ATF7IP: variants seen among roughly 807,000 people sequenced by gnomAD.
ATF7IP encodes the protein activating transcription factor 7-interacting protein 1.
ATF7IP carries 23 observed loss-of-function variants against 106.4 expected under a neutral mutation model. The observed-to-expected ratio is 0.22, with a 90% CI of 0.16 to 0.31. ATF7IP has a LOEUF of 0.31. Ranked by LOEUF, ATF7IP falls within the 10% of genes least tolerant of loss-of-function variation. The pLI, the probability that ATF7IP is intolerant of heterozygous loss-of-function variation, is 1.00. For missense variants in ATF7IP, 1,334 were observed against 1,524.3 expected (o/e 0.88, Z 2.08); for synonymous variants, 542 against 539.0 (o/e 1.01, Z -0.08).
At chr12:14,493,866 A>G (rs1158155200) in intron 13 of ATF7IP, among the ~76,000 whole-genome samples, 4 of 152,084 alleles carry the variant, frequency 2.6e-5, no homozygotes, top group Non-Finnish European at 5.9e-5. Context: ...GAGCCTCAGT[A>G]TCTTCTTCTG....
intron 1 of ATF7IP, among the ~76,000 whole-genome samples, chr12:14,416,042 G>A (rs1941187291): frequency 6.6e-6 from 1 of 152,140 alleles, no homozygotes; most frequent in Admixed American, 6.6e-5. Context: ...TGAGTGAACA[G>A]ATTCAGTAGT....
intron 1 of ATF7IP, among the ~76,000 whole-genome samples, chr12:14,405,154 T>TAG (rs1940490690): frequency 2.6e-5 from 4 of 151,492 alleles, no homozygotes; most frequent in African/African-American, 7.2e-5. Flanking sequence ...TCATTCTTTG[T>TAG]TGTATGCCCA....
intron 1 of ATF7IP, among the ~76,000 whole-genome samples, chr12:14,384,201 T>C (rs965068372): frequency 1.3e-5 from 2 of 152,116 alleles, no homozygotes; most frequent in African/African-American, 4.8e-5. Context: ...TTTTAGTAAA[T>C]ACCTATATTT....
intron 1 of ATF7IP, among the ~76,000 whole-genome samples, chr12:14,420,841 CAG>C (rs1400000401): frequency 6.6e-6 from 1 of 152,126 alleles, no homozygotes; most frequent in Non-Finnish European, 1.5e-5. Context: ...TTCCAGGCAT[CAG>C]GGGCTGCTTT....
intron 1 of ATF7IP, chr12:14,423,690 T>C (rs1296526789): frequency 1.0e-5 from 4 of 395,462 alleles, no homozygotes; most frequent in Non-Finnish European, 1.7e-5. Flanking sequence ...CCTAATACTT[T>C]CTAGTTGATT....
intron 10 of ATF7IP, among the ~76,000 whole-genome samples, chr12:14,469,122 G>A (rs980522188): frequency 1.3e-5 from 2 of 152,126 alleles, no homozygotes; most frequent in South Asian, 4.1e-4. Flanking sequence ...TATAATCCCA[G>A]CACTTTGGGA....
rs986253736 is a variant in ATF7IP, at chr12:14,466,566, G to A, written c.2838G>A (p.Lys946=). The change falls in exon 10 of 15, where the codon AAG becomes AAA. Residue 946 remains lysine, a synonymous_variant. Coordinates refer to ENST00000261168, the MANE Select transcript of ATF7IP (RefSeq NM_018179.5). ...TNKTIDASVS[K]KAADSTSQCG... is the part of the protein sequence containing the mutation. The stretch of plus-strand genomic sequence containing the variant: ...AAACAATAGATGCTTCTGTCAGTAA[G>A]AAAGCAGCTGATAGCACATCACAGG... The A allele has an allele frequency of 1.9e-6, 3 of 1,605,122 alleles. No individual in the cohort carries two copies. In the African/African-American group the frequency reaches 4.0e-5, roughly 22 times the overall value.
In ATF7IP at chr12:14,497,793, T is replaced by C; in HGVS notation, c.3533T>C (p.Val1178Ala). 1 of 1,614,126 alleles carries C rather than the reference T, an allele frequency of 6.2e-7. No homozygotes were observed. The highest frequency in any genetic ancestry group is 8.5e-7 in the Non-Finnish European group (1 of 1,180,012). Residue 1178 changes from valine (V) to alanine (A), a missense_variant, in exon 15 of 15, where the codon GTA becomes GCA. By Grantham distance (64) the Val-to-Ala change is moderately conservative. Around this residue, in one of 10 missense-constraint regions of ATF7IP, gnomAD observed 80 missense variants for 157.0 expected, o/e 0.51. Coordinates refer to ENST00000261168, the MANE Select transcript of ATF7IP (RefSeq NM_018179.5). ...CGCGTTCAGAGTCAAAATGGCATAG[T>C]ACTGTCATGGAGTGTCCTGGAGGTG... ...LARVQSQNGI[V>A]LSWSVLEVDR...
chr12:14,420,365 C>G (rs1170321555), intron 1 of ATF7IP: 1 of 152,562 alleles, frequency 6.6e-6, no homozygotes, highest in Non-Finnish European at 1.5e-5. Flanking sequence ...TGTGGTGGCT[C>G]ACACCTGTAA....
chr12:14,459,652 T>C (rs777200182), intron 8 of ATF7IP, among the ~76,000 whole-genome samples: 25 of 152,206 alleles, frequency 1.6e-4, no homozygotes, highest in Admixed American at 3.9e-4. Context: ...TGAAAGGGTC[T>C]CAGAAAACCC....
In ATF7IP at chr12:14,499,990, G is replaced by T. The variant is rs764893522; in HGVS notation, c.*1917G>T. On this transcript the variant is annotated 3_prime_UTR_variant, in exon 15 of 15. Transcript: ENST00000261168. Reference sequence around the variant, plus strand: ...GTACTGGTGTCAGGTAGGTGTTTTGGGTGTAGATAATTTAGGACTGGAGGG... The same window carrying T: ...GTACTGGTGTCAGGTAGGTGTTTTGTGTGTAGATAATTTAGGACTGGAGGG... 1 of 152,134 alleles carries T rather than the reference G, an allele frequency of 6.6e-6. No homozygotes were observed. Among genetic ancestry groups the T allele is most frequent in the Non-Finnish European group, 1.5e-5 (1 of 68,020 alleles). The allele number at this position is 152,134 out of a possible 1,614,324, so 9.4% of individuals were successfully genotyped here.
At chr12:14,435,215 GTCCT>G (rs1473215332) in intron 3 of ATF7IP, among the ~76,000 whole-genome samples, 1 of 152,080 alleles carries the variant, frequency 6.6e-6, no homozygotes, top group Admixed American at 6.5e-5. Context: ...TGGACTGAGT[GTCCT>G]TAGGTTTATG....
intron 1 of ATF7IP, among the ~76,000 whole-genome samples, chr12:14,396,230 T>C (rs774380402): frequency 3.2e-4 from 48 of 151,968 alleles, no homozygotes; most frequent in Non-Finnish European, 5.1e-4. Flanking sequence ...CCTCCCTCTT[T>C]AGAAGTCAAG....
chr12:14,393,271 A>G (rs1282255524), intron 1 of ATF7IP, among the ~76,000 whole-genome samples: 1 of 152,150 alleles, frequency 6.6e-6, no homozygotes, highest in Non-Finnish European at 1.5e-5. Context: ...TTAATTTTTA[A>G]CTTCTAGATT....
At chr12:14,477,254 G>A (rs192294599) in intron 11 of ATF7IP, among the ~76,000 whole-genome samples, 7 of 152,162 alleles carry the variant, frequency 4.6e-5, no homozygotes, top group Admixed American at 3.9e-4. Context: ...TTAAATAGCT[G>A]TACAACTGAT....
rs1459016569 is a variant in ATF7IP at position 14,494,329 on chromosome 12, A to ATGTGTGTG, written c.3281-1901_3281-1900insGTGTGTGT. Among the ~76,000 whole-genome samples the ATGTGTGTG allele has an allele frequency of 2.2e-4, 20 of 93,012 alleles. 1 individual carries two copies. The highest frequency in any genetic ancestry group is 3.7e-4 in the African/African-American group (8 of 21,498). The allele number at this position is 93,012 out of a possible 152,430, so 61.0% of individuals were successfully genotyped here. ...TATATATATATATATATATATATAT[A>ATGTGTGTG]TATATGTGTGTGTGTATATGTATAT... On this transcript the variant is annotated intron_variant, in intron 13 of 14. Transcript: ENST00000261168.
In ATF7IP at chr12:14,461,225, T is replaced by C. The variant is rs953551038; in HGVS notation, c.2797+92T>C. 11 of 1,137,580 alleles carry C rather than the reference T, an allele frequency of 9.7e-6. No individual in the cohort carries two copies. In the African/African-American group the frequency reaches 1.2e-4, roughly 13 times the overall value. 70.5% of individuals were successfully genotyped at this position (1,137,580 alleles called of 1,614,324 possible). The stretch of plus-strand genomic sequence containing the variant: ...TTTTTTTTCTAAGTGGCTAGCGTTA[T>C]TGGAAGTACAAAATAAATAGAATTT... On this transcript the variant is annotated intron_variant, in intron 9 of 14. Coordinates refer to ENST00000261168, the MANE Select transcript of ATF7IP (RefSeq NM_018179.5).
chr12:14,478,480 T>G lies in ATF7IP; in HGVS notation c.3097+8T>G. 6.2e-7 allele frequency: 1 copy of G among 1,613,776 alleles called. No homozygotes were observed. Among genetic ancestry groups the G allele is most frequent in the Non-Finnish European group, 8.5e-7 (1 of 1,179,770 alleles). On this transcript the variant is annotated splice_region_variant and intron_variant, in intron 12 of 14. Coordinates refer to ENST00000261168, the MANE Select transcript of ATF7IP (RefSeq NM_018179.5). ...TACACTTACTACCTACAGGTAAATT[T>G]GTTGAATCATTGAGTAGAAGCTTTG...
At chr12:14,467,229 C>G (rs1309611096) in intron 10 of ATF7IP, among the ~76,000 whole-genome samples, 1 of 151,986 alleles carries the variant, frequency 6.6e-6, no homozygotes, top group Non-Finnish European at 1.5e-5. Flanking sequence ...TTCTTCACTT[C>G]CTTTGAATCA....
Sources: allele counts gnomAD v4.1 joint callset (sites outside exome capture counted in the v4.1 genomes callset), GRCh38; gene constraint gnomAD v4.1.1; regional missense constraint gnomAD v4.1.1; transcripts MANE v1.5; gene names NCBI Gene and HGNC (gene_info 2026-07-23, HGNC 2026-07-21).